Variants in ERI1 observed in about 807,000 individuals in gnomAD.
The protein encoded by ERI1 is exoribonuclease 1.
In ERI1, 39 loss-of-function variants were observed where a neutral mutation model predicts 39.7. The observed-to-expected ratio is 0.98, with a 90% CI of 0.76 to 1.28. The LOEUF is 1.28. Among genes scored for constraint, ERI1 ranks in the 50% most tolerant of loss-of-function variants. The pLI is 0.00. For missense variants in ERI1, 581 were observed against 416.9 expected (o/e 1.39, Z -3.43); for synonymous variants, 204 against 149.6 (o/e 1.36, Z -2.65).
intron 3 of ERI1, among the ~76,000 whole-genome samples, chr8:9,015,670 C>T (rs943666705): frequency 1.6e-5 from 2 of 127,616 alleles, no homozygotes; most frequent in Non-Finnish European, 3.1e-5. Flanking sequence ...TGCAGTGAGC[C>T]GAGATTGTGG....
At chr8:9,014,302 C>T (rs943550952) in intron 3 of ERI1, among the ~76,000 whole-genome samples, 9 of 152,194 alleles carry the variant, frequency 5.9e-5, no homozygotes, top group Non-Finnish European at 1.2e-4. Context: ...TTCTCCTTCT[C>T]TCCCTCCCTC....
At chr8:9,021,765 GTTTTTTTTGTT>G (rs869295282) in intron 6 of ERI1, among the ~76,000 whole-genome samples, 755 of 51,090 alleles carry the variant, frequency 0.015, 8 homozygotes, top group African/African-American at 0.055. Flanking sequence ...TATATTATTT[GTTTTTTTTGTT>G]TTTTTTTTTT....
intron 6 of ERI1, among the ~76,000 whole-genome samples, chr8:9,027,072 A>G (rs1797218276): frequency 6.6e-6 from 1 of 151,888 alleles, no homozygotes; most frequent in Non-Finnish European, 1.5e-5. Flanking sequence ...ACCATTTTAC[A>G]TTCCTGCCAG....
chr8:9,064,105 G>A (rs1798790752), intron 3 of ERI1, among the ~76,000 whole-genome samples: 2 of 151,832 alleles, frequency 1.3e-5, no homozygotes, highest in Non-Finnish European at 2.9e-5. Context: ...TCAGGGTGCA[G>A]AGATAAGAGG....
At chr8:9,052,583 T>A (rs977421590) in intron 3 of ERI1, among the ~76,000 whole-genome samples, 5 of 152,166 alleles carry the variant, frequency 3.3e-5, no homozygotes, top group African/African-American at 1.2e-4. Flanking sequence ...TGAAGGGACA[T>A]CTTTTGCACA....
In ERI1 at chr8:9,085,432, C is replaced by T. The variant is rs566704743; in HGVS notation, n.300-30916C>T. On this transcript the variant is annotated intron_variant and non_coding_transcript_variant, in intron 3 of 3. Transcript: ENST00000518663. ...CCATGTTGGCCAGGCTGGTCTTGAACCCCTGACCTCAAGTAATCACCTGCC... is the reference window on the plus strand; with the variant it reads ...CCATGTTGGCCAGGCTGGTCTTGAATCCCTGACCTCAAGTAATCACCTGCC... Among the ~76,000 whole-genome samples the T allele has an allele frequency of 4.6e-5, 7 of 152,186 alleles. 1 individual carries two copies. Among genetic ancestry groups the T allele is most frequent in the Admixed American group, 3.3e-4 (5 of 15,270 alleles).
At chr8:9,070,220 G>C (rs1799004950) in intron 3 of ERI1, among the ~76,000 whole-genome samples, 2 of 151,478 alleles carry the variant, frequency 1.3e-5, no homozygotes. Flanking sequence ...ACCTGGGTGA[G>C]AGTGAGACGC....
intron 3 of ERI1, among the ~76,000 whole-genome samples, chr8:9,043,007 G>T (rs1405664028): frequency 6.6e-6 from 1 of 152,192 alleles, no homozygotes; most frequent in Non-Finnish European, 1.5e-5. Flanking sequence ...GCACTTCCTG[G>T]CAGTAGACAC....
intron 3 of ERI1, among the ~76,000 whole-genome samples, chr8:9,071,886 T>G (rs1017363305): frequency 1.3e-5 from 2 of 152,190 alleles, no homozygotes; most frequent in African/African-American, 4.8e-5. Context: ...AGCAACATAG[T>G]GAGACCTCGT....
Position 9,096,808 on chromosome 8 carries a change from T to A in ERI1, n.300-19540T>A, listed in dbSNP as rs1268643721. ...CATGGCTCACTGCAGCCTCAGACTT[T>A]TGGGCTCAAGCAATGCTCCCGCCTC... On this transcript the variant is annotated intron_variant and non_coding_transcript_variant, in intron 3 of 3. Coordinates refer to the ERI1 transcript ENST00000518663. 3 of 150,818 alleles carry A rather than the reference T, an allele frequency of 2.0e-5. 1 individual carries two copies. Among genetic ancestry groups the A allele is most frequent in the Admixed American group, 2.0e-4 (3 of 15,116 alleles). The allele number at this position is 150,818 out of a possible 1,614,324, so 9.3% of individuals were successfully genotyped here.
chr8:9,065,588 G>T (rs577847073), intron 3 of ERI1, among the ~76,000 whole-genome samples: 19 of 151,772 alleles, frequency 1.3e-4, no homozygotes, highest in African/African-American at 4.4e-4. Context: ...CCAGCTACTC[G>T]GGAGGCTGAG....
chr8:9,022,781 CAG>C (rs1818054409), intron 6 of ERI1, among the ~76,000 whole-genome samples: 1 of 152,022 alleles, frequency 6.6e-6, no homozygotes, highest in South Asian at 2.1e-4. Flanking sequence ...TCAAACATAA[CAG>C]AAATAGGTAT....
intron 6 of ERI1, among the ~76,000 whole-genome samples, chr8:9,024,527 TCTC>T (rs1227188792): frequency 5.3e-5 from 8 of 152,022 alleles, no homozygotes; most frequent in African/African-American, 1.7e-4. Flanking sequence ...TTCAATCAAT[TCTC>T]CTGCCTCAGC....
At chr8:9,025,755 A>G (rs1818410351) in intron 6 of ERI1, among the ~76,000 whole-genome samples, 1 of 151,548 alleles carries the variant, frequency 6.6e-6, no homozygotes, top group Non-Finnish European at 1.5e-5. Flanking sequence ...CAGGTTGAGT[A>G]TCCCTAATTG....
chr8:9,082,654 T>C (rs527489506), intron 3 of ERI1, among the ~76,000 whole-genome samples: 5 of 152,318 alleles, frequency 3.3e-5, no homozygotes, highest in African/African-American at 9.6e-5. Flanking sequence ...TCTTAGAAAG[T>C]AGGCACCTGC....
At chr8:9,096,788 C>G (rs1315839344) in intron 3 of ERI1, 1 of 131,306 alleles carries the variant, frequency 7.6e-6, no homozygotes, top group Non-Finnish European at 1.6e-5. Flanking sequence ...ATGATCATGG[C>G]TCACTGCAGC....
At chr8:9,059,414 T>A (rs1437371255) in intron 3 of ERI1, among the ~76,000 whole-genome samples, 1 of 152,010 alleles carries the variant, frequency 6.6e-6, no homozygotes, top group Non-Finnish European at 1.5e-5. Flanking sequence ...TAACGGGCGA[T>A]GTTTCTCAGG....
At chr8:9,069,505 C>G (rs1031949060) in intron 3 of ERI1, among the ~76,000 whole-genome samples, 2 of 152,164 alleles carry the variant, frequency 1.3e-5, no homozygotes, top group Non-Finnish European at 2.9e-5. Flanking sequence ...TTATGGGCAT[C>G]AAACATGTTT....
chr8:9,029,399 G>T (rs1797423849), intron 6 of ERI1, among the ~76,000 whole-genome samples: 1 of 152,168 alleles, frequency 6.6e-6, no homozygotes, highest in Admixed American at 6.5e-5. Context: ...CATGATCTCA[G>T]CTCGCTGCAG....
Sources: gnomAD v4.1 joint callset for allele counts (sites outside exome capture counted in the v4.1 genomes callset) on GRCh38, gnomAD v4.1.1 for gene constraint, MANE v1.5 for transcripts, NCBI Gene and HGNC (gene_info 2026-07-23, HGNC 2026-07-21) for gene names.